TRAPPC12: variants seen among roughly 807,000 people sequenced by gnomAD.
The protein encoded by TRAPPC12 is TPR repeat protein 15.
In TRAPPC12, 61 loss-of-function variants were observed where a neutral mutation model predicts 69.2. The observed-to-expected ratio is 0.88, with a 90% CI of 0.72 to 1.09. The LOEUF (loss-of-function observed/expected upper bound fraction) is 1.09. TRAPPC12 is among the 50% of genes least tolerant of loss of function. TRAPPC12 has a pLI of 0.00. For synonymous variants in TRAPPC12, 469 were observed against 438.9 expected, an observed-to-expected ratio of 1.07 and a Z score of -0.86; for missense variants, 1,101 against 1,016.4, an observed-to-expected ratio of 1.08 and a Z score of -1.13.
chr2:3,426,142 T>G (rs1179079062), intron 5 of TRAPPC12, among the ~76,000 whole-genome samples: 1 of 152,206 alleles, frequency 6.6e-6, no homozygotes, highest in African/African-American at 2.4e-5. Flanking sequence ...TTTTTGACCT[T>G]TAGTCTCACT....
At chr2:3,383,771 T>A (rs1378744616) in intron 1 of TRAPPC12, among the ~76,000 whole-genome samples, 1 of 151,622 alleles carries the variant, frequency 6.6e-6, no homozygotes, top group Admixed American at 6.6e-5. Context: ...GATTCCAAGT[T>A]TATTTTTTCC....
At chr2:3,380,573 A>G (rs774210965) in intron 1 of TRAPPC12, among the ~76,000 whole-genome samples, 4 of 152,308 alleles carry the variant, frequency 2.6e-5, no homozygotes, top group African/African-American at 4.8e-5. Flanking sequence ...ACTTGAAGAT[A>G]TGGTGTCTTT....
At chr2:3,440,376 A>G (rs191641825) in intron 5 of TRAPPC12, among the ~76,000 whole-genome samples, 2 of 152,268 alleles carry the variant, frequency 1.3e-5, no homozygotes, top group East Asian at 3.9e-4. Flanking sequence ...TCAGAGTTTT[A>G]TAGTTTTCTT....
intron 2 of TRAPPC12, among the ~76,000 whole-genome samples, chr2:3,393,449 C>T (rs1428103631): frequency 6.6e-6 from 1 of 152,052 alleles, no homozygotes; most frequent in African/African-American, 2.4e-5. Flanking sequence ...AGTAATACTG[C>T]GTTGTTTACT....
intron 5 of TRAPPC12, among the ~76,000 whole-genome samples, chr2:3,432,167 C>G (rs1369774163): frequency 1.3e-5 from 2 of 152,216 alleles, no homozygotes; most frequent in African/African-American, 4.8e-5. Flanking sequence ...TATAGTGCTG[C>G]TTCTAATACT....
chr2:3,450,417 G>A (rs778330585), intron 6 of TRAPPC12, among the ~76,000 whole-genome samples: 10 of 152,234 alleles, frequency 6.6e-5, no homozygotes, highest in Admixed American at 2.0e-4. Context: ...TTGTGAGAGT[G>A]GCTTTGGAGT....
intron 4 of TRAPPC12, among the ~76,000 whole-genome samples, chr2:3,422,782 C>CT (rs1662883862): frequency 6.6e-6 from 1 of 152,222 alleles, no homozygotes; most frequent in African/African-American, 2.4e-5. Context: ...AAATCTTAGG[C>CT]TGTTTTCCTA....
At chr2:3,464,236 ACAGG>A (rs1203796285) in intron 8 of TRAPPC12, among the ~76,000 whole-genome samples, 4 of 152,224 alleles carry the variant, frequency 2.6e-5, no homozygotes, top group African/African-American at 9.6e-5. Context: ...GACAGCAGAG[ACAGG>A]CAGCAGGAAG....
chr2:3,462,791 A>C (rs947831890), intron 8 of TRAPPC12: 15 of 425,432 alleles, frequency 3.5e-5, no homozygotes, highest in Non-Finnish European at 6.9e-5. Flanking sequence ...CTGCCACCTT[A>C]GGTGGCTTGG....
chr2:3,455,994 G>A (rs1013652175), intron 6 of TRAPPC12: 2 of 152,206 alleles, frequency 1.3e-5, no homozygotes. Flanking sequence ...GGTGAGGGAA[G>A]TTAATTTCAT....
chr2:3,443,965 T>A (rs1664367907), intron 6 of TRAPPC12, 74 bp downstream of exon 6: 1 of 1,134,540 alleles, frequency 8.8e-7, no homozygotes, highest in East Asian at 2.5e-5. Flanking sequence ...GACATGCCCG[T>A]GCTGTTCCCT....
rs368153726 is a variant in TRAPPC12 at position 3,424,510 on chromosome 2, G to C, written c.1279-15G>C. ...ATGTAGATAACCTATTGTTTCCATT[G>C]TATTTTGTTTTTAGCTCTGGTTTGT... is the stretch of plus-strand genomic sequence containing the variant. On this transcript the variant is annotated splice_polypyrimidine_tract_variant and intron_variant, in intron 4 of 11. Coordinates refer to ENST00000324266, the MANE Select transcript of TRAPPC12 (RefSeq NM_016030.6). The C allele has an allele frequency of 6.2e-7, 1 of 1,611,672 alleles. No homozygotes were observed. Among genetic ancestry groups the C allele is most frequent in the Non-Finnish European group, 8.5e-7 (1 of 1,179,302 alleles).
At chr2:3,443,332 G>T (rs1023569229) in intron 5 of TRAPPC12, among the ~76,000 whole-genome samples, 1 of 152,232 alleles carries the variant, frequency 6.6e-6, no homozygotes, top group South Asian at 2.1e-4. Context: ...GAGCACTTCC[G>T]GAACCACTGG....
At chr2:3,459,958 G>T in intron 7 of TRAPPC12, 1 of 475,614 alleles carries the variant, frequency 2.1e-6, no homozygotes, top group Non-Finnish European at 3.8e-6. Flanking sequence ...TCAGGGTTCT[G>T]GCTTTGGAAA....
intron 10 of TRAPPC12, chr2:3,478,594 A>G: frequency 2.6e-6 from 1 of 379,416 alleles, no homozygotes; most frequent in Non-Finnish European, 4.8e-6. Context: ...AGATCGTGCC[A>G]CTGCACTACA....
chr2:3,397,427 C>T (rs539699757), intron 2 of TRAPPC12, among the ~76,000 whole-genome samples: 71 of 152,302 alleles, frequency 4.7e-4, no homozygotes, highest in African/African-American at 1.7e-3. Flanking sequence ...CCATGGCAGA[C>T]CCACACTCAA....
In TRAPPC12 at chr2:3,414,471, G is replaced by T. The variant is rs933830095; in HGVS notation, c.1165-7410G>T. ...TGTCCTCCCCCCTGCCGCCACCCTG[G>T]GGTCTGCCACTCTGGGGTCCAGCCT... On this transcript the variant is annotated intron_variant, in intron 3 of 11. Transcript: ENST00000324266. The surrounding 1 kb of genome is among the most constrained non-coding windows in gnomAD (Gnocchi z 4.9). Among the ~76,000 whole-genome samples the T allele has an allele frequency of 2.6e-5, 4 of 151,914 alleles. No homozygotes were observed. The highest frequency in any genetic ancestry group is 9.7e-5 in the African/African-American group (4 of 41,342).
At chr2:3,424,728 T>C (rs1264086185) in intron 5 of TRAPPC12, 65 bp downstream of exon 5, 15 of 1,478,850 alleles carry the variant, frequency 1.0e-5, no homozygotes, top group Non-Finnish European at 1.3e-5. Context: ...CTTTGATTTA[T>C]ACATAATTTC....
At chr2:3,412,075 A>G (rs921678717) in intron 3 of TRAPPC12, among the ~76,000 whole-genome samples, 19 of 152,138 alleles carry the variant, frequency 1.2e-4, no homozygotes, top group African/African-American at 4.6e-4. Context: ...TTATTCTTGT[A>G]CTGTCTTCTT....
Sources: gnomAD v4.1 joint callset for allele counts (sites outside exome capture counted in the v4.1 genomes callset) on GRCh38, gnomAD v4.1.1 for gene constraint, Gnocchi (gnomAD v3.1) non-coding constraint, MANE v1.5 for transcripts, NCBI Gene and HGNC (gene_info 2026-07-23, HGNC 2026-07-21) for gene names.